The following ATF3 variants were observed in gnomAD, a reference collection of about 807,000 sequenced individuals.
ATF3 encodes cyclic AMP-dependent transcription factor ATF-3.
Under a neutral mutation model 18.4 loss-of-function variants are expected in ATF3, and 10 were observed. The ratio of observed to expected loss-of-function variants is 0.54; its 90% CI spans 0.34 to 0.92. The LOEUF is 0.92. Ranked by LOEUF, ATF3 falls within the 40% of genes least tolerant of loss-of-function variation. ATF3 has a pLI of 0.02. For missense variants in ATF3, 183 were observed against 222.3 expected (o/e 0.82, Z 1.12); for synonymous variants, 78 against 87.9 (o/e 0.89, Z 0.63).
At chr1:212,585,311 C>T (rs1213239453) in intron 1 of ATF3, among the ~76,000 whole-genome samples, 3 of 152,138 alleles carry the variant, frequency 2.0e-5, no homozygotes, top group African/African-American at 7.2e-5. Context: ...CTCTGCCTTG[C>T]CCCCGTGCCC....
In ATF3 at chr1:212,618,541, G is replaced by A. The variant is rs796647318; in HGVS notation, c.348+307G>A. The A allele has an allele frequency of 6.3e-5, 28 of 445,754 alleles. No homozygotes were observed. The highest frequency in any genetic ancestry group is 5.3e-4 in the African/African-American group (27 of 50,658). 27.6% of individuals were successfully genotyped at this position (445,754 alleles called of 1,614,324 possible). A position where few individuals can be genotyped will look rare whatever the true frequency, so the allele number is the denominator to read the frequency against. Reference sequence around the variant, plus strand: ...TGCAGGACATGCCAGCCCAGTTAAAGAGGCTTCACTTGACTGTTTTCCTGA... The same window carrying A: ...TGCAGGACATGCCAGCCCAGTTAAAAAGGCTTCACTTGACTGTTTTCCTGA... On this transcript the variant is annotated intron_variant, in intron 3 of 3. Coordinates refer to ENST00000341491, the MANE Select transcript of ATF3 (RefSeq NM_001674.4). The surrounding 1 kb of genome is among the most constrained non-coding windows in gnomAD (Gnocchi z 4.4).
chr1:212,611,610 A>C (rs147988442), intron 1 of ATF3, among the ~76,000 whole-genome samples: 1 of 152,354 alleles, frequency 6.6e-6, no homozygotes, highest in African/African-American at 2.4e-5. Context: ...AGGAAGACCA[A>C]GATATGAAGA....
Position 212,615,078 on chromosome 1 carries a change from C to G in ATF3, c.57C>G (p.Ile19Met). Residue 19 changes from isoleucine (I) to methionine (M), a missense_variant, in exon 2 of 4, where the codon ATC (isoleucine) becomes ATG (methionine). Ile to Met is a conservative substitution (Grantham distance 10). Coordinates refer to ENST00000341491, the MANE Select transcript of ATF3 (RefSeq NM_001674.4). ...VSASEVSASA[I>M]VPCLSPPGSL... Reference sequence around the variant, plus strand: ...CCTCGGAAGTGAGTGCTTCTGCCATCGTCCCCTGCCTGTCCCCTCCTGGGT... The same window carrying G: ...CCTCGGAAGTGAGTGCTTCTGCCATGGTCCCCTGCCTGTCCCCTCCTGGGT... 6.2e-7 allele frequency: 1 copy of G among 1,614,194 alleles called. No individual in the cohort carries two copies.
upstream of ATF3, among the ~76,000 whole-genome samples, chr1:212,607,784 G>A (rs759921903): frequency 4.6e-5 from 7 of 152,176 alleles, no homozygotes; most frequent in Non-Finnish European, 8.8e-5. Context: ...CCTCCTGGCC[G>A]CTGGCTTCCG....
At chr1:212,596,573 G>A (rs909507348) in intron 1 of ATF3, among the ~76,000 whole-genome samples, 4 of 152,194 alleles carry the variant, frequency 2.6e-5, no homozygotes, top group Non-Finnish European at 5.9e-5. Context: ...CTACATGTCA[G>A]GACATGTAAC....
intron 1 of ATF3, among the ~76,000 whole-genome samples, chr1:212,592,930 C>T (rs1036063482): frequency 1.8e-4 from 27 of 152,032 alleles, no homozygotes; most frequent in Non-Finnish European, 3.7e-4. Context: ...CCAGCCATCC[C>T]ATTACTGGGT....
At chr1:212,576,852 C>T (rs770355404) in intron 1 of ATF3, among the ~76,000 whole-genome samples, 3 of 150,028 alleles carry the variant, frequency 2.0e-5, no homozygotes, top group Non-Finnish European at 4.4e-5. Context: ...CTCAGCCTCC[C>T]GAGTAGATGG....
chr1:212,580,505 G>T (rs1318213249), intron 1 of ATF3, among the ~76,000 whole-genome samples: 2 of 152,084 alleles, frequency 1.3e-5, no homozygotes, highest in African/African-American at 4.8e-5. Flanking sequence ...AGTAGAGACT[G>T]TTGGCCAGGC....
intron 1 of ATF3, among the ~76,000 whole-genome samples, chr1:212,611,437 G>A (rs1486862812): frequency 1.3e-5 from 2 of 152,214 alleles, no homozygotes; most frequent in Non-Finnish European, 1.5e-5. Flanking sequence ...AGCCCTTTGG[G>A]GAAGGCAGTT....
At chr1:212,580,161 A>C (rs2102626355) in intron 1 of ATF3, among the ~76,000 whole-genome samples, 1 of 152,030 alleles carries the variant, frequency 6.6e-6, no homozygotes, top group South Asian at 2.1e-4. Context: ...CGTCTCAAAA[A>C]AAAAGAAAGA....
chr1:212,614,931 C>G, intron 1 of ATF3, 87 bp from the exon 2 acceptor site: 1 of 1,611,064 alleles, frequency 6.2e-7, no homozygotes, highest in Non-Finnish European at 8.5e-7. Flanking sequence ...GGGTGGGGCT[C>G]TGGTGTTGGA....
intron 1 of ATF3, among the ~76,000 whole-genome samples, chr1:212,611,108 A>G (rs1317003884): frequency 6.6e-6 from 1 of 152,250 alleles, no homozygotes; most frequent in African/African-American, 2.4e-5. Context: ...GGACATAGCC[A>G]AGATGCCTCA....
chr1:212,609,230 C>T (rs192194485), intron 1 of ATF3, among the ~76,000 whole-genome samples: 2 of 152,378 alleles, frequency 1.3e-5, no homozygotes, highest in East Asian at 1.9e-4. Flanking sequence ...CCGCTTCTCT[C>T]CGCCGACGGC....
intron 1 of ATF3, among the ~76,000 whole-genome samples, chr1:212,598,161 GA>G (rs1404286743): frequency 1.3e-5 from 2 of 152,006 alleles, no homozygotes; most frequent in African/African-American, 2.4e-5. Context: ...AAGTAGAAGA[GA>G]AAAAAAGTTA....
chr1:212,611,271 T>A (rs1227627644), intron 1 of ATF3, among the ~76,000 whole-genome samples: 2 of 152,264 alleles, frequency 1.3e-5, no homozygotes, highest in Non-Finnish European at 2.9e-5. Context: ...AGGCTCTGAC[T>A]GACCTGAATG....
chr1:212,589,801 A>AT (rs1664847503), intron 1 of ATF3, among the ~76,000 whole-genome samples: 1 of 117,074 alleles, frequency 8.5e-6, no homozygotes, highest in Non-Finnish European at 1.9e-5. Context: ...CTCTTGGTCA[A>AT]CTTTTTTTTT....
chr1:212,601,300 C>T (rs1654479206), intron 1 of ATF3, among the ~76,000 whole-genome samples: 1 of 152,160 alleles, frequency 6.6e-6, no homozygotes, highest in African/African-American at 2.4e-5. Context: ...CCTGAGGGCA[C>T]AGGGATCTGG....
In ATF3 at chr1:212,619,297, G is replaced by GCCA. The variant is rs1655268678; in HGVS notation, c.349-58_349-56dup. On this transcript the variant is annotated intron_variant, in intron 3 of 3. Transcript: ENST00000341491. This position sits in a 1 kb window ranked among gnomAD's most constrained non-coding sequence, Gnocchi z 4.4. ...CCCCTGCATCCAGGCAGCAGCCCAG[G>GCCA]CCACCCCCTCCTCACTGGCCCTTGG... The GCCA allele has an allele frequency of 3.1e-6, 5 of 1,611,852 alleles. No homozygotes were observed. The East Asian group carries it at 1.1e-4, about 36-fold the overall frequency.
intron 1 of ATF3, among the ~76,000 whole-genome samples, chr1:212,582,414 G>GGCAAA (rs971693225): frequency 2.0e-5 from 3 of 152,204 alleles, no homozygotes; most frequent in African/African-American, 4.8e-5. Flanking sequence ...AATGCACCCT[G>GGCAAA]GCAAAGCAAA....
Sources: gnomAD v4.1 joint callset for allele counts (sites outside exome capture counted in the v4.1 genomes callset) on GRCh38, gnomAD v4.1.1 for gene constraint, Gnocchi (gnomAD v3.1) non-coding constraint, MANE v1.5 for transcripts, NCBI Gene and HGNC (gene_info 2026-07-23, HGNC 2026-07-21) for gene names.